ERBB4: variants seen among roughly 807,000 people sequenced by gnomAD.
The protein encoded by ERBB4 is erb-b2 receptor tyrosine kinase 4.
In ERBB4, 42 loss-of-function variants were observed where a neutral mutation model predicts 158.0. The ratio of observed to expected loss-of-function variants is 0.27; its 90% CI spans 0.21 to 0.34. The LOEUF is 0.34. Among genes scored for constraint, ERBB4 ranks in the 10% least tolerant of loss-of-function variants. The pLI is 1.00. For synonymous variants in ERBB4, 583 were observed against 558.7 expected (o/e 1.04, Z -0.61); for missense variants, 1,333 against 1,624.1 (o/e 0.82, Z 3.08).
At chr2:212,241,130 G>A (rs2084087578) in intron 1 of ERBB4, among the ~76,000 whole-genome samples, 1 of 152,108 alleles carries the variant, frequency 6.6e-6, no homozygotes, top group Non-Finnish European at 1.5e-5. Context: ...ACTGCCTCAT[G>A]CCTGACATTC....
At chr2:212,526,221 G>A (rs541910481) in intron 1 of ERBB4, among the ~76,000 whole-genome samples, 8 of 151,894 alleles carry the variant, frequency 5.3e-5, no homozygotes, top group South Asian at 2.1e-4. Context: ...AGCATGTATC[G>A]GATCTAAATT....
chr2:211,433,277 A>C (rs1016299214), intron 20 of ERBB4, among the ~76,000 whole-genome samples: 1 of 152,160 alleles, frequency 6.6e-6, no homozygotes, highest in Admixed American at 6.5e-5. Context: ...GTGATGTGGA[A>C]GTTGTTTTAA....
intron 1 of ERBB4, among the ~76,000 whole-genome samples, chr2:212,474,367 C>CT (rs1197663930): frequency 6.6e-6 from 1 of 152,122 alleles, no homozygotes; most frequent in African/African-American, 2.4e-5. Flanking sequence ...GTGACACTGA[C>CT]TGTGCCTGTC....
At chr2:212,307,372 CA>C (rs11451976) in intron 1 of ERBB4, among the ~76,000 whole-genome samples, 5 of 146,948 alleles carry the variant, frequency 3.4e-5, no homozygotes, top group African/African-American at 7.4e-5. Context: ...TGACTATTGG[CA>C]AAAAAAAAAG....
intron 2 of ERBB4, among the ~76,000 whole-genome samples, chr2:212,080,582 CACCCAATTGG>C (rs1298927928): frequency 6.8e-6 from 1 of 146,524 alleles, no homozygotes; most frequent in African/African-American, 2.6e-5. Flanking sequence ...CCTCAGAGTT[CACCCAATTGG>C]AGATATATTG....
intron 1 of ERBB4, among the ~76,000 whole-genome samples, chr2:212,341,068 T>C (rs919606961): frequency 6.6e-6 from 1 of 152,046 alleles, no homozygotes; most frequent in Non-Finnish European, 1.5e-5. Context: ...TTTAATCTTA[T>C]TGGAAATCCT....
At chr2:212,167,136 A>G (rs951002598) in intron 1 of ERBB4, among the ~76,000 whole-genome samples, 1 of 152,212 alleles carries the variant, frequency 6.6e-6, no homozygotes, top group African/African-American at 2.4e-5. Flanking sequence ...AAAAGAAACT[A>G]TCATCAGAGT....
At chr2:212,411,783 G>A (rs1476227299) in intron 1 of ERBB4, among the ~76,000 whole-genome samples, 1 of 152,120 alleles carries the variant, frequency 6.6e-6, no homozygotes, top group Non-Finnish European at 1.5e-5. Context: ...TGACAAGGGT[G>A]AATGCAGCAG....
At chr2:212,435,725 G>C (rs545310589) in intron 1 of ERBB4, among the ~76,000 whole-genome samples, 8 of 151,936 alleles carry the variant, frequency 5.3e-5, no homozygotes, top group African/African-American at 1.7e-4. Flanking sequence ...TTTGCCCCAA[G>C]ATATATGTTA....
At chr2:212,153,880 C>A (rs1173298699) in intron 1 of ERBB4, among the ~76,000 whole-genome samples, 1 of 152,052 alleles carries the variant, frequency 6.6e-6, no homozygotes, top group African/African-American at 2.4e-5. Flanking sequence ...TGTTCTATCC[C>A]AGTTTTTTAA....
chr2:211,909,808 G>A (rs2079497636), intron 3 of ERBB4, among the ~76,000 whole-genome samples: 1 of 151,856 alleles, frequency 6.6e-6, no homozygotes, highest in Non-Finnish European at 1.5e-5. Context: ...AATACTCGAT[G>A]TGAGGAGAAG....
At chr2:212,027,193 T>C (rs1250773084) in intron 2 of ERBB4, among the ~76,000 whole-genome samples, 3 of 152,016 alleles carry the variant, frequency 2.0e-5, no homozygotes, top group African/African-American at 4.8e-5. Flanking sequence ...AGGTTAATTA[T>C]GAATAGCATT....
At chr2:211,948,677 A>T (rs1438448461) in intron 2 of ERBB4, among the ~76,000 whole-genome samples, 1 of 151,602 alleles carries the variant, frequency 6.6e-6, no homozygotes, top group Non-Finnish European at 1.5e-5. Context: ...ACTAAAAATG[A>T]TAAAAAAAAT....
intron 1 of ERBB4, among the ~76,000 whole-genome samples, chr2:212,449,174 T>A (rs1400308695): frequency 6.6e-6 from 1 of 152,156 alleles, no homozygotes; most frequent in Non-Finnish European, 1.5e-5. Context: ...GCACAAAACA[T>A]CACCACTATG....
At chr2:212,197,858 C>T (rs1470984716) in intron 1 of ERBB4, among the ~76,000 whole-genome samples, 1 of 152,180 alleles carries the variant, frequency 6.6e-6, no homozygotes, top group Non-Finnish European at 1.5e-5. Flanking sequence ...GTTGATTAAA[C>T]TTACTGTTAT....
chr2:212,241,262 T>TA (rs1279786367), intron 1 of ERBB4, among the ~76,000 whole-genome samples: 167 of 148,726 alleles, frequency 1.1e-3, no homozygotes, highest in African/African-American at 3.9e-3. Flanking sequence ...GTCTCAAAAA[T>TA]AAAAAAATAA....
At chr2:211,400,239 T>C (rs947473337) in intron 25 of ERBB4, among the ~76,000 whole-genome samples, 2 of 152,154 alleles carry the variant, frequency 1.3e-5, no homozygotes, top group African/African-American at 4.8e-5. Flanking sequence ...ATAAGCTTTA[T>C]AAGCTCGTGT....
intron 1 of ERBB4, among the ~76,000 whole-genome samples, chr2:212,180,617 A>G (rs2081828771): frequency 6.6e-6 from 1 of 151,726 alleles, no homozygotes; most frequent in Non-Finnish European, 1.5e-5. Context: ...GGTATTTGCA[A>G]TGGAAGATTC....
chr2:211,413,617 G>A (rs545484756), intron 25 of ERBB4, among the ~76,000 whole-genome samples: 11 of 152,002 alleles, frequency 7.2e-5, no homozygotes, highest in South Asian at 6.2e-4. Flanking sequence ...CAAAATTCTC[G>A]CACTATATCA....
Sources: gnomAD v4.1 joint callset for allele counts (sites outside exome capture counted in the v4.1 genomes callset) on GRCh38, gnomAD v4.1.1 for gene constraint, MANE v1.5 for transcripts, NCBI Gene and HGNC (gene_info 2026-07-23, HGNC 2026-07-21) for gene names.